Variants in GPR149 observed in about 807,000 individuals in gnomAD.
The protein encoded by GPR149 is probable G protein-coupled receptor 149.
A neutral mutation model predicts 50.2 loss-of-function variants in GPR149; 50 were observed. That is an observed-to-expected ratio of 1.00 (90% CI 0.79 to 1.26). The LOEUF (loss-of-function observed/expected upper bound fraction) is 1.26, where lower values mean the gene tolerates loss of function less well. GPR149 is among the 50% of genes most tolerant of loss of function. The probability of loss-of-function intolerance (pLI) is 0.00; values close to 1 mark genes in which losing one functional copy is unlikely to be tolerated. For synonymous variants in GPR149, 405 were observed against 358.2 expected, an observed-to-expected ratio of 1.13 and a Z score of -1.48; for missense variants, 983 against 895.4, an observed-to-expected ratio of 1.10 and a Z score of -1.25.
chr3:154,345,506 G>T (rs541512012), intron 3 of GPR149, among the ~76,000 whole-genome samples: 10 of 152,054 alleles, frequency 6.6e-5, no homozygotes, highest in Non-Finnish European at 1.2e-4. Flanking sequence ...ATCCATTATT[G>T]CTATATTCTT....
intron 3 of GPR149, among the ~76,000 whole-genome samples, chr3:154,395,595 C>T (rs1715271957): frequency 6.6e-6 from 1 of 152,020 alleles, no homozygotes. Flanking sequence ...TGGAGCCCAG[C>T]TTGGGCAACA....
intron 3 of GPR149, among the ~76,000 whole-genome samples, chr3:154,413,645 A>AT (rs1245463398): frequency 6.7e-6 from 1 of 150,308 alleles, no homozygotes; most frequent in Non-Finnish European, 1.5e-5. Context: ...TTATAAAATA[A>AT]AAAAAAAAAT....
intron 3 of GPR149, chr3:154,352,177 T>C (rs1378327233): frequency 2.5e-6 from 2 of 803,952 alleles, no homozygotes; most frequent in Admixed American, 2.6e-5. Flanking sequence ...CTTGATCGAG[T>C]TCTATTCCCA....
At position 154,429,106 on chromosome 3, in the gene GPR149, G is replaced by T. The variant is rs377070084; in HGVS notation, c.510C>A (p.Cys170Ter). ...ASLLLSALPL[C>*]GWGAFVRTPW... ...GCGTGCGCACGAAGGCGCCCCAGCC[G>T]CACAGCGGGAGCGCCGAGAGCAGCA... Residue 170 changes from cysteine to a stop codon, truncating the protein, a stop_gained, in exon 1 of 4, where the codon TGC becomes TGA. Transcript: ENST00000389740. LOFTEE classifies it high-confidence loss of function. 7 of 1,613,522 alleles carry T rather than the reference G, an allele frequency of 4.3e-6. No homozygotes were observed. The highest frequency in any genetic ancestry group is 5.9e-6 in the Non-Finnish European group (7 of 1,179,932).
chr3:154,335,242 G>A lies in GPR149; in HGVS notation c.*2457C>T, dbSNP rs1371237753. The A allele has an allele frequency of 1.3e-5, 2 of 152,064 alleles. No individual in the cohort carries two copies. The highest frequency in any genetic ancestry group is 4.8e-5 in the African/African-American group (2 of 41,400). 9.4% of individuals were successfully genotyped at this position (152,064 alleles called of 1,614,324 possible). A position where few individuals can be genotyped will look rare whatever the true frequency, so the allele number is the denominator to read the frequency against. ...AGAAGAACAATATAACTATACAAGG[G>A]TAAGGTATTTGGCTATATCACAAGA... On this transcript the variant is annotated 3_prime_UTR_variant, in exon 4 of 4. Coordinates refer to ENST00000389740, the MANE Select transcript of GPR149 (RefSeq NM_001038705.3).
intron 3 of GPR149, among the ~76,000 whole-genome samples, chr3:154,402,795 A>T (rs904378413): frequency 6.6e-6 from 1 of 152,166 alleles, no homozygotes. Context: ...CTTCACATAC[A>T]TGCCTGTGTG....
chr3:154,348,776 A>G (rs1186862717), intron 3 of GPR149, among the ~76,000 whole-genome samples: 1 of 152,186 alleles, frequency 6.6e-6, no homozygotes, highest in Non-Finnish European at 1.5e-5. Context: ...AAAATGTTAT[A>G]GATAGAAAAT....
At chr3:154,381,341 G>A (rs2108406743) in intron 3 of GPR149, among the ~76,000 whole-genome samples, 1 of 152,220 alleles carries the variant, frequency 6.6e-6, no homozygotes, top group Non-Finnish European at 1.5e-5. Context: ...AAGAACTGAT[G>A]TGTTCTCGTT....
chr3:154,417,167 C>A (rs574660831), intron 3 of GPR149, among the ~76,000 whole-genome samples: 157 of 152,002 alleles, frequency 1.0e-3, no homozygotes, highest in African/African-American at 3.6e-3. Context: ...CACATTAAGA[C>A]TTTCTAACTA....
At chr3:154,391,707 T>C (rs553473369) in intron 3 of GPR149, among the ~76,000 whole-genome samples, 2 of 151,822 alleles carry the variant, frequency 1.3e-5, no homozygotes, top group African/African-American at 2.4e-5. Flanking sequence ...GATCAATTTA[T>C]GTAAACTTCT....
rs1713699775 is a variant in GPR149, at chr3:154,338,122, GA to G, written c.1772del (p.Val591AlafsTer25). ...KITPASKKIE[V>X]YRSKSVGHEP... ...CATGGCCAACACTTTTGGATCGATA[GA>G]CTTCTATTTTCTTAGAGGCTGGAGT... On this transcript the variant is annotated frameshift_variant, in exon 4 of 4. Coordinates refer to ENST00000389740, the MANE Select transcript of GPR149 (RefSeq NM_001038705.3). LOFTEE classifies it high-confidence loss of function. 1.9e-6 allele frequency: 3 copies of G among 1,614,024 alleles called. No individual in the cohort carries two copies. The highest frequency in any genetic ancestry group is 3.3e-5 in the Admixed American group (2 of 60,004).
intron 3 of GPR149, among the ~76,000 whole-genome samples, chr3:154,339,509 C>T (rs966517424): frequency 7.2e-5 from 11 of 152,108 alleles, no homozygotes; most frequent in African/African-American, 9.7e-5. Context: ...TTTAGGATGA[C>T]CAGCTTTCTC....
intron 3 of GPR149, among the ~76,000 whole-genome samples, chr3:154,375,371 C>T (rs1161579726): frequency 1.3e-5 from 2 of 152,098 alleles, no homozygotes; most frequent in African/African-American, 4.8e-5. Context: ...ATCATCATAG[C>T]CTATCACAGG....
intron 3 of GPR149, among the ~76,000 whole-genome samples, chr3:154,365,913 T>G (rs1436875014): frequency 6.6e-6 from 1 of 152,228 alleles, no homozygotes; most frequent in Non-Finnish European, 1.5e-5. Flanking sequence ...TTCTGAGACC[T>G]CACCAGAATT....
chr3:154,429,494 C>T lies in GPR149; in HGVS notation c.122G>A (p.Cys41Tyr). ...CACCAAGGCTGCAAAAGTCATGAGACATGTCAAGCAAAAAAGATAGATATT... is the reference window on the plus strand; with the variant it reads ...CACCAAGGCTGCAAAAGTCATGAGATATGTCAAGCAAAAAAGATAGATATT... ...TLNIYLFCLT[C>Y]LMTFAALVGS... Residue 41 changes from cysteine to tyrosine, a missense_variant, in exon 1 of 4, where the codon TGT (cysteine) becomes TAT (tyrosine). Coordinates refer to ENST00000389740, the MANE Select transcript of GPR149 (RefSeq NM_001038705.3). The T allele has an allele frequency of 6.2e-7, 1 of 1,614,068 alleles. No homozygotes were observed. The highest frequency in any genetic ancestry group is 8.5e-7 in the Non-Finnish European group (1 of 1,180,002).
chr3:154,374,169 C>CTTTTTTTTTTTTTTT (rs3069044), intron 3 of GPR149, among the ~76,000 whole-genome samples: 7 of 103,174 alleles, frequency 6.8e-5, no homozygotes, highest in Non-Finnish European at 1.1e-4. Flanking sequence ...CTTTTCTTTT[C>CTTTTTTTTTTTTTTT]TTTTTTTTTT....
intron 3 of GPR149, among the ~76,000 whole-genome samples, chr3:154,344,601 T>C (rs1256784836): frequency 1.3e-5 from 2 of 152,176 alleles, no homozygotes; most frequent in Non-Finnish European, 2.9e-5. Flanking sequence ...CCTTATCCAA[T>C]GACTCTTATC....
intron 3 of GPR149, chr3:154,353,269 G>C (rs1244750032): frequency 6.9e-7 from 1 of 1,445,850 alleles, no homozygotes; most frequent in African/African-American, 1.4e-5. Flanking sequence ...GCAGCCTTTT[G>C]AGTCATTTAT....
chr3:154,345,421 G>A (rs954138303), intron 3 of GPR149, among the ~76,000 whole-genome samples: 49 of 152,154 alleles, frequency 3.2e-4, no homozygotes, highest in Admixed American at 3.2e-3. Context: ...AGCATAAAAC[G>A]ATTCCTTTTG....
Sources: gnomAD v4.1 joint callset for allele counts (sites outside exome capture counted in the v4.1 genomes callset) on GRCh38, gnomAD v4.1.1 for gene constraint, MANE v1.5 for transcripts, NCBI Gene and HGNC (gene_info 2026-07-23, HGNC 2026-07-21) for gene names.